Variants in NCF2 observed in about 807,000 individuals in gnomAD.
NCF2 encodes the protein neutrophil cytosolic factor 2, also known as neutrophil cytosol factor 2.
Under a neutral mutation model 70.9 loss-of-function variants are expected in NCF2, and 45 were observed. The ratio of observed to expected loss-of-function variants is 0.63; its 90% confidence interval spans 0.50 to 0.81. The LOEUF (loss-of-function observed/expected upper bound fraction) is 0.81. Among genes scored for constraint, NCF2 ranks in the 40% least tolerant of loss-of-function variants. The pLI, the probability that NCF2 is intolerant of heterozygous loss-of-function variation, is 0.00. For missense variants in NCF2, 522 were observed against 631.6 expected (o/e 0.83, Z 1.86); for synonymous variants, 203 against 233.6 (o/e 0.87, Z 1.19).
chr1:183,563,589 A>G lies in NCF2; in HGVS notation c.1027-4T>C. ...TGGGAACACTGAGCTTCACTTCCTG[A>G]GTGGGGAGGAAACAAAGGGAACTCC... On this transcript the variant is annotated splice_region_variant and splice_polypyrimidine_tract_variant and intron_variant, in intron 11 of 14. Transcript: ENST00000367535. 6.2e-7 allele frequency: 1 copy of G among 1,612,982 alleles called. No individual in the cohort carries two copies. Among genetic ancestry groups the G allele is most frequent in the East Asian group, 2.2e-5 (1 of 44,866 alleles).
chr1:183,558,711 T>C (rs1671906095), intron 14 of NCF2, among the ~76,000 whole-genome samples: 1 of 151,950 alleles, frequency 6.6e-6, no homozygotes, highest in Non-Finnish European at 1.5e-5. Context: ...ACTACAGATG[T>C]GCATCACCAC....
chr1:183,590,000 T>G (rs1280601059), intron 1 of NCF2, among the ~76,000 whole-genome samples, 156 bp downstream of exon 1: 1 of 152,124 alleles, frequency 6.6e-6, no homozygotes, highest in African/African-American at 2.4e-5. Flanking sequence ...CTGGGGCCCC[T>G]CCCAGACCAG....
the NCF2 span, among the ~76,000 whole-genome samples, chr1:183,599,095 C>T: frequency 6.6e-6 from 1 of 152,206 alleles, no homozygotes; most frequent in Non-Finnish European, 1.5e-5. Context: ...TCAAAACAAA[C>T]TCTTGACCAG....
At chr1:183,574,170 GCAGA>G (rs1672694595) in intron 4 of NCF2, among the ~76,000 whole-genome samples, 1 of 152,210 alleles carries the variant, frequency 6.6e-6, no homozygotes, top group Non-Finnish European at 1.5e-5. Context: ...TGGTGATCAA[GCAGA>G]CATGGACTCT....
In NCF2 at chr1:183,567,254, C is replaced by T. The variant is rs748228594; in HGVS notation, c.805G>A (p.Val269Ile). ...LQVMPGNIVF[V>I]LKKGNDNWAT... is the part of the protein sequence containing the mutation. ...CAGTTATCATTGCCCTTCTTCAAGACAAAGACAATGTTCCCTGGCATGACC... is the reference window on the plus strand; with the variant it reads ...CAGTTATCATTGCCCTTCTTCAAGATAAAGACAATGTTCCCTGGCATGACC... Residue 269 changes from valine to isoleucine, a missense_variant, in exon 8 of 15, where the codon GTC becomes ATC. Transcript: ENST00000367535. The T allele has an allele frequency of 3.1e-6, 5 of 1,614,168 alleles. No individual in the cohort carries two copies. The Admixed American group carries it at 6.7e-5, about 22-fold the overall frequency.
At chr1:183,566,696 C>T (rs780651962) in intron 9 of NCF2, among the ~76,000 whole-genome samples, 2 of 152,224 alleles carry the variant, frequency 1.3e-5, no homozygotes, top group Non-Finnish European at 2.9e-5. Flanking sequence ...GGTGGGTGGG[C>T]CCAATGGGAC....
At chr1:183,585,291 A>G (rs1673291884) in intron 2 of NCF2, among the ~76,000 whole-genome samples, 2 of 151,762 alleles carry the variant, frequency 1.3e-5, no homozygotes, top group East Asian at 3.9e-4. Flanking sequence ...CCTCACCCTC[A>G]CCCCACCCAC....
At chr1:183,576,737 G>A (rs746358104) in intron 3 of NCF2, among the ~76,000 whole-genome samples, 1 of 152,164 alleles carries the variant, frequency 6.6e-6, no homozygotes, top group Non-Finnish European at 1.5e-5. Flanking sequence ...GTCCCCAGGG[G>A]CCGAGGGCGG....
At chr1:183,586,249 G>A (rs554910050) in intron 2 of NCF2, among the ~76,000 whole-genome samples, 5 of 152,300 alleles carry the variant, frequency 3.3e-5, no homozygotes, top group African/African-American at 9.6e-5. Context: ...CAGGAGAATC[G>A]CTTGAGCCTG....
At chr1:183,558,871 A>C (rs1031485495) in intron 14 of NCF2, among the ~76,000 whole-genome samples, 1 of 152,012 alleles carries the variant, frequency 6.6e-6, no homozygotes, top group Non-Finnish European at 1.5e-5. Context: ...GCCTACCCTC[A>C]TTAACTTTAA....
intron 11 of NCF2, 198 bp downstream of exon 11, chr1:183,563,807 C>G: frequency 1.2e-6 from 1 of 818,404 alleles, no homozygotes; most frequent in Admixed American, 2.0e-5. Context: ...GGCCCACTAG[C>G]TTGGGTAGTA....
Position 183,573,284 on chromosome 1 carries a change from C to T in NCF2, c.510G>A (p.Lys170=). Residue 170 remains lysine, a synonymous_variant, in exon 5 of 15, where the codon AAG becomes AAA. Transcript: ENST00000367535. ...CAGGGATCACCACTGGCTCATATAGCTTCTGCTTCTGTAACACAGAAAACG... is the reference window on the plus strand; with the variant it reads ...CAGGGATCACCACTGGCTCATATAGTTTCTGCTTCTGTAACACAGAAAACG... ...DKAMECVWKQ[K]LYEPVVIPVG... 6.2e-7 allele frequency: 1 copy of T among 1,614,002 alleles called. No homozygotes were observed. The highest frequency in any genetic ancestry group is 8.5e-7 in the Non-Finnish European group (1 of 1,179,850).
At chr1:183,565,868 A>G (rs920161035) in intron 9 of NCF2, 89 bp from the exon 10 acceptor site, 3 of 1,274,012 alleles carry the variant, frequency 2.4e-6, no homozygotes, top group Non-Finnish European at 3.4e-6. Flanking sequence ...CAGAGACCCC[A>G]TGTAAAGGAG....
the NCF2 span, among the ~76,000 whole-genome samples, chr1:183,599,485 T>TTTCTTTCTTTC: frequency 1.8e-5 from 1 of 56,478 alleles, no homozygotes; most frequent in African/African-American, 1.1e-4. Flanking sequence ...TTTCTTTCTC[T>TTTCTTTCTTTC]TTTCTTTCTT....
chr1:183,599,489 C>CT, the NCF2 span, among the ~76,000 whole-genome samples: 7 of 110,968 alleles, frequency 6.3e-5, no homozygotes, highest in Non-Finnish European at 5.6e-5. Flanking sequence ...TTTCTCTTTT[C>CT]TTTCTTTCTC....
At chr1:183,580,281 G>GCCTT (rs1032828768) in intron 2 of NCF2, among the ~76,000 whole-genome samples, 2 of 152,196 alleles carry the variant, frequency 1.3e-5, no homozygotes, top group African/African-American at 4.8e-5. Context: ...TAGCAATGGG[G>GCCTT]CCTTTCATGT....
At position 183,562,823 on chromosome 1, in the gene NCF2, CA is replaced by C. The variant is rs869202704; in HGVS notation, c.1290+371del. Among the ~76,000 whole-genome samples the C allele has an allele frequency of 9.4e-3, 1,007 of 107,502 alleles. 8 individuals are homozygous for C. The highest frequency in any genetic ancestry group is 0.027 in the East Asian group (99 of 3,704). 70.5% of individuals were successfully genotyped at this position (107,502 alleles called of 152,430 possible). ...TGGGCGACAGAGTGAGACTCCATCT[CA>C]AAAAAAAAAAAAAAAGGTGAAGAAT... On this transcript the variant is annotated intron_variant, in intron 13 of 14. Coordinates refer to ENST00000367535, the MANE Select transcript of NCF2 (RefSeq NM_000433.4).
the NCF2 span, among the ~76,000 whole-genome samples, chr1:183,597,221 A>G: frequency 6.6e-6 from 1 of 152,328 alleles, no homozygotes; most frequent in African/African-American, 2.4e-5. Context: ...CAATCTAGTC[A>G]TAGAGCCAGG....
chr1:183,572,214 C>A (rs1672598065), intron 5 of NCF2, among the ~76,000 whole-genome samples: 1 of 152,180 alleles, frequency 6.6e-6, no homozygotes, highest in South Asian at 2.1e-4. Flanking sequence ...GATGGAGTTT[C>A]ATTCTTGTTG....
Sources: gnomAD v4.1 joint callset for allele counts (sites outside exome capture counted in the v4.1 genomes callset) on GRCh38, gnomAD v4.1.1 for gene constraint, MANE v1.5 for transcripts, NCBI Gene and HGNC (gene_info 2026-07-23, HGNC 2026-07-21) for gene names.